SULT1B1: variants seen among roughly 807,000 people sequenced by gnomAD.
The protein encoded by SULT1B1 is sulfotransferase family 1B member 1.
In SULT1B1, 28 loss-of-function variants were observed where a neutral mutation model predicts 34.6. The ratio of observed to expected loss-of-function variants is 0.81; its 90% CI spans 0.60 to 1.11. The LOEUF is 1.11. SULT1B1 is among the 50% of genes least tolerant of loss of function. SULT1B1 has a pLI of 0.00. For missense variants in SULT1B1, 374 were observed against 352.2 expected (o/e 1.06, Z -0.50); for synonymous variants, 147 against 110.2 (o/e 1.33, Z -2.09).
chr4:69,738,680 C>T (rs1350726716), intron 4 of SULT1B1, among the ~76,000 whole-genome samples: 1 of 152,184 alleles, frequency 6.6e-6, no homozygotes, highest in Non-Finnish European at 1.5e-5. Context: ...CATGTCCTCA[C>T]ATTTCAAAAC....
chr4:69,739,411 T>C (rs1408554492), intron 4 of SULT1B1, among the ~76,000 whole-genome samples: 1 of 152,206 alleles, frequency 6.6e-6, no homozygotes, highest in Non-Finnish European at 1.5e-5. Flanking sequence ...CAACACCATG[T>C]GGAAGCTGCC....
In SULT1B1 at chr4:69,721,217, T is replaced by A. The variant is rs562000587; in HGVS notation, c.*5871A>T. 6.6e-6 allele frequency: 1 copy of A among 152,136 alleles called. No individual in the cohort carries two copies. Among genetic ancestry groups the A allele is most frequent in the Non-Finnish European group, 1.5e-5 (1 of 68,016 alleles). The allele number at this position is 152,136 out of a possible 1,614,324, so 9.4% of individuals were successfully genotyped here. Reference sequence around the variant, plus strand: ...TCATTAAGTGGCAGTTAAAAAAGGATTACTTCACTGCTGAAAGTAATGTCT... The same window carrying A: ...TCATTAAGTGGCAGTTAAAAAAGGAATACTTCACTGCTGAAAGTAATGTCT... On this transcript the variant is annotated 3_prime_UTR_variant, in exon 8 of 8. Transcript: ENST00000310613.
chr4:69,732,132 A>G (rs1718103951), intron 6 of SULT1B1, among the ~76,000 whole-genome samples: 1 of 152,242 alleles, frequency 6.6e-6, no homozygotes, highest in African/African-American at 2.4e-5. Context: ...CAGTAGTTTC[A>G]TAAACCATGC....
At chr4:69,741,076 G>C (rs1178156641) in intron 4 of SULT1B1, among the ~76,000 whole-genome samples, 1 of 152,104 alleles carries the variant, frequency 6.6e-6, no homozygotes, top group Non-Finnish European at 1.5e-5. Context: ...ATGGTAATAA[G>C]GGCTCCAGTT....
chr4:69,734,193 T>C lies in SULT1B1; in HGVS notation c.447A>G (p.Leu149=), dbSNP rs963366145. 22 of 1,612,920 alleles carry C rather than the reference T, an allele frequency of 1.4e-5. No individual in the cohort carries two copies. The highest frequency in any genetic ancestry group is 1.9e-5 in the Non-Finnish European group (22 of 1,179,500). ...CTTCCCAGGTACCAGGAAAAGGCTG[T>C]AAATTATTCATTAAGTCAAAATGGT... is the stretch of plus-strand genomic sequence containing the variant. The part of the protein sequence containing the change: ...SYYHFDLMNN[L]QPFPGTWEEY... The change falls in exon 5 of 8, where the codon TTA becomes TTG. Residue 149 remains leucine, a synonymous_variant. Coordinates refer to ENST00000310613, the MANE Select transcript of SULT1B1 (RefSeq NM_014465.4).
At chr4:69,744,057 C>T (rs1046812389) in intron 4 of SULT1B1, among the ~76,000 whole-genome samples, 2 of 152,222 alleles carry the variant, frequency 1.3e-5, no homozygotes, top group African/African-American at 4.8e-5. Context: ...GGGCTCCTGC[C>T]TGCTCCCTGC....
At chr4:69,743,857 T>C (rs144505085) in intron 4 of SULT1B1, among the ~76,000 whole-genome samples, 357 of 152,290 alleles carry the variant, frequency 2.3e-3, no homozygotes, top group African/African-American at 8.4e-3. Context: ...CCTCTGAGCC[T>C]GTGGGAACAA....
At chr4:69,748,093 CAG>C (rs1244628049) in intron 4 of SULT1B1, among the ~76,000 whole-genome samples, 1 of 151,992 alleles carries the variant, frequency 6.6e-6, no homozygotes, top group Non-Finnish European at 1.5e-5. Context: ...CAAAAATTGG[CAG>C]AGTGTATGAA....
At position 69,727,103 on chromosome 4, in the gene SULT1B1, G is replaced by T. The variant is rs1193925255; in HGVS notation, c.876C>A (p.Phe292Leu). The T allele has an allele frequency of 6.2e-7, 1 of 1,606,220 alleles. No individual in the cohort carries two copies. Among genetic ancestry groups the T allele is most frequent in the Non-Finnish European group, 8.5e-7 (1 of 1,176,380 alleles). The change falls in exon 8 of 8, where the codon TTC (phenylalanine) becomes TTA (leucine). Residue 292 changes from phenylalanine to leucine, a missense_variant. Transcript: ENST00000310613. The stretch of plus-strand genomic sequence containing the variant: ...TTTAGACACTTTAAATCTCTGTGCG[G>T]AATTGAAGTGCAGTTTTGGACATTT... ...ETEMSKTALQFRTEI is the reference protein window; with the variant it reads ...ETEMSKTALQLRTEI
At position 69,734,282 on chromosome 4, in the gene SULT1B1, G is replaced by T; in HGVS notation, c.376-18C>A. ...TAAATCATCTGCAGTGGGGGGTGGGGGTAGGAGAAAAAAATAAGATAAAAG... is the reference window on the plus strand; with the variant it reads ...TAAATCATCTGCAGTGGGGGGTGGGTGTAGGAGAAAAAAATAAGATAAAAG... On this transcript the variant is annotated intron_variant, in intron 4 of 7. Coordinates refer to ENST00000310613, the MANE Select transcript of SULT1B1 (RefSeq NM_014465.4). 1 of 1,597,038 alleles carries T rather than the reference G, an allele frequency of 6.3e-7. No individual in the cohort carries two copies. Among genetic ancestry groups the T allele is most frequent in the Non-Finnish European group, 8.5e-7 (1 of 1,173,128 alleles).
chr4:69,735,267 T>A (rs1208452108), intron 4 of SULT1B1, among the ~76,000 whole-genome samples: 1 of 152,136 alleles, frequency 6.6e-6, no homozygotes, highest in Non-Finnish European at 1.5e-5. Context: ...TACTCTTGGA[T>A]TGGGCAGCAA....
chr4:69,727,470 C>A (rs1016120166), intron 7 of SULT1B1, among the ~76,000 whole-genome samples: 5 of 151,890 alleles, frequency 3.3e-5, no homozygotes, highest in African/African-American at 1.2e-4. Context: ...TGTTTAAATT[C>A]CTGGGCTTTA....
At chr4:69,750,293 C>T (rs1718930139) in intron 3 of SULT1B1, among the ~76,000 whole-genome samples, 1 of 152,008 alleles carries the variant, frequency 6.6e-6, no homozygotes, top group South Asian at 2.1e-4. Flanking sequence ...TATATAATAT[C>T]AGCTGTTTTA....
chr4:69,728,281 G>T (rs934447009), intron 7 of SULT1B1, among the ~76,000 whole-genome samples: 4 of 152,124 alleles, frequency 2.6e-5, no homozygotes, highest in South Asian at 2.1e-4. Context: ...CTTCAAAAAA[G>T]AACTTTTGAT....
intron 1 of SULT1B1, among the ~76,000 whole-genome samples, chr4:69,756,980 G>GACACAC (rs371631388): frequency 8.6e-6 from 1 of 116,296 alleles, no homozygotes; most frequent in African/African-American, 3.0e-5. Context: ...CACACACACA[G>GACACAC]ACACACACAC....
In SULT1B1 at chr4:69,721,460, G is replaced by A. The variant is rs1184710015; in HGVS notation, c.*5628C>T. The A allele has an allele frequency of 6.6e-6, 1 of 151,988 alleles. No individual in the cohort carries two copies. Among genetic ancestry groups the A allele is most frequent in the Non-Finnish European group, 1.5e-5 (1 of 67,944 alleles). The allele number at this position is 151,988 out of a possible 1,614,324, so 9.4% of individuals were successfully genotyped here. A position where few individuals can be genotyped will look rare whatever the true frequency, so the allele number is the denominator to read the frequency against. ...TATCATTAATATCAAGCATTTTGAA[G>A]AAATTATAGTATCTTTTTTTCTGTA... On this transcript the variant is annotated 3_prime_UTR_variant, in exon 8 of 8. Transcript: ENST00000310613.
chr4:69,723,702 G>T lies in SULT1B1; in HGVS notation c.*3386C>A, dbSNP rs2110013488. ...ATGATCAAGTGGGCTTCATCCCTGG[G>T]ATTCAAGGCTGGTTCAACATATGCA... is the stretch of plus-strand genomic sequence containing the variant. On this transcript the variant is annotated 3_prime_UTR_variant, in exon 8 of 8. Transcript: ENST00000310613. 6.6e-6 allele frequency: 1 copy of T among 152,214 alleles called. No homozygotes were observed. The highest frequency in any genetic ancestry group is 2.4e-5 in the African/African-American group (1 of 41,544). The allele number at this position is 152,214 out of a possible 1,614,324, so 9.4% of individuals were successfully genotyped here.
chr4:69,741,029 T>A lies in SULT1B1; in HGVS notation c.376-6765A>T, dbSNP rs564992705. ...GTTTTTATAGTTTTTGGTAATACAT[T>A]CAAGTCTTTAATCAATCTTCAGTTA... On this transcript the variant is annotated intron_variant, in intron 4 of 7. Coordinates refer to ENST00000310613, the MANE Select transcript of SULT1B1 (RefSeq NM_014465.4). Among the ~76,000 whole-genome samples, 140 of 152,310 alleles carry A rather than the reference T, an allele frequency of 9.2e-4. 1 individual carries two copies. The highest frequency in any genetic ancestry group is 3.4e-3 in the Middle Eastern group (1 of 294).
chr4:69,756,808 G>A (rs1318541088), intron 1 of SULT1B1, among the ~76,000 whole-genome samples: 1 of 152,132 alleles, frequency 6.6e-6, no homozygotes, highest in African/African-American at 2.4e-5. Flanking sequence ...AGTCAGACAG[G>A]AAGAATTCCT....
Sources: allele counts gnomAD v4.1 joint callset (sites outside exome capture counted in the v4.1 genomes callset), GRCh38; gene constraint gnomAD v4.1.1; transcripts MANE v1.5; gene names NCBI Gene and HGNC (gene_info 2026-07-23, HGNC 2026-07-21).